IGDCC4: variants seen among roughly 807,000 people sequenced by gnomAD.
The protein encoded by IGDCC4 is immunoglobulin superfamily DCC subclass member 4.
In IGDCC4, 72 loss-of-function variants were observed where a neutral mutation model predicts 116.6. The ratio of observed to expected loss-of-function variants is 0.62; its 90% CI spans 0.51 to 0.75. The LOEUF (loss-of-function observed/expected upper bound fraction) is 0.75, where lower values mean the gene tolerates loss of function less well. IGDCC4 is among the 30% of genes least tolerant of loss of function. The probability of loss-of-function intolerance (pLI) is 0.00; values close to 1 mark genes in which losing one functional copy is unlikely to be tolerated. For synonymous variants in IGDCC4, 709 were observed against 719.9 expected, an observed-to-expected ratio of 0.98 and a Z score of 0.24; for missense variants, 1,501 against 1,662.4, an observed-to-expected ratio of 0.90 and a Z score of 1.69.
chr15:65,408,951 G>A lies in IGDCC4; in HGVS notation c.563+1227C>T, dbSNP rs562310915. Among the ~76,000 whole-genome samples, 5 of 151,228 alleles carry A rather than the reference G, an allele frequency of 3.3e-5. No homozygotes were observed. The East Asian group carries it at 9.8e-4, about 30-fold the overall frequency. ...CTGAACCTCCAAGTGATCTCGCTCA[G>A]CCTTCCAAGTAGCGGGGACCACAGG... On this transcript the variant is annotated intron_variant, in intron 3 of 19. Coordinates refer to ENST00000352385, the MANE Select transcript of IGDCC4 (RefSeq NM_020962.3).
Position 65,381,759 on chromosome 15 carries a change from A to C in IGDCC4, c.*2250T>G, listed in dbSNP as rs1336432783. The C allele has an allele frequency of 6.6e-6, 1 of 152,548 alleles. No individual in the cohort carries two copies. The highest frequency in any genetic ancestry group is 1.5e-5 in the Non-Finnish European group (1 of 68,040). The allele number at this position is 152,548 out of a possible 1,614,324, so 9.4% of individuals were successfully genotyped here. A position where few individuals can be genotyped will look rare whatever the true frequency, so the allele number is the denominator to read the frequency against. On this transcript the variant is annotated 3_prime_UTR_variant, in exon 20 of 20. Transcript: ENST00000352385. Reference sequence around the variant, plus strand: ...GATTAATACCCTGTAAAAGGCCAATAGATTCTTTTCTAATAAAAATACTGC... The same window carrying C: ...GATTAATACCCTGTAAAAGGCCAATCGATTCTTTTCTAATAAAAATACTGC...
intron 16 of IGDCC4, 141 bp downstream of exon 16, chr15:65,388,308 C>T (rs551546780): frequency 7.9e-6 from 9 of 1,132,232 alleles, no homozygotes; most frequent in South Asian, 4.3e-5. Flanking sequence ...ATCACTGAAC[C>T]ACACCTATTT....
rs1301870050 is a variant in IGDCC4, at chr15:65,416,106, G to A, written c.71-4736C>T. On this transcript the variant is annotated intron_variant, in intron 1 of 19. Coordinates refer to ENST00000352385, the MANE Select transcript of IGDCC4 (RefSeq NM_020962.3). Reference sequence around the variant, plus strand: ...CAACAGCAGAGGAACACATATTTACGAGGCTCGCTGACTGCCTAAAATGTT... The same window carrying A: ...CAACAGCAGAGGAACACATATTTACAAGGCTCGCTGACTGCCTAAAATGTT... Among the ~76,000 whole-genome samples the A allele has an allele frequency of 4.7e-5, 7 of 150,442 alleles. 1 individual carries two copies. Among genetic ancestry groups the A allele is most frequent in the African/African-American group, 7.4e-5 (3 of 40,794 alleles).
chr15:65,419,223 CTTTT>C (rs541482808), intron 1 of IGDCC4, among the ~76,000 whole-genome samples: 2 of 126,470 alleles, frequency 1.6e-5, no homozygotes, highest in African/African-American at 3.0e-5. Flanking sequence ...GACCGCCATG[CTTTT>C]TTTTTTTTTT....
rs372599124 is a variant in IGDCC4 at position 65,422,844 on chromosome 15, C to G, written c.19G>C (p.Gly7Arg). Residue 7 changes from glycine to arginine, a missense_variant, in exon 1 of 20, where the codon GGC (glycine) becomes CGC (arginine). Transcript: ENST00000352385. The stretch of plus-strand genomic sequence containing the variant: ...AACGCGAGGAGCCCGCGGCCGCGGC[C>G]GGCGTCCCCCCGCGCCATGGGGCTG... MARGDA[G>R]RGRGLLALTF... The G allele has an allele frequency of 1.7e-6, 2 of 1,202,644 alleles. No homozygotes were observed. Among genetic ancestry groups the G allele is most frequent in the Non-Finnish European group, 2.1e-6 (2 of 966,172 alleles). 74.5% of individuals were successfully genotyped at this position (1,202,644 alleles called of 1,614,324 possible). A position where few individuals can be genotyped will look rare whatever the true frequency, so the allele number is the denominator to read the frequency against.
At chr15:65,398,765 C>T (rs1048196770) in intron 5 of IGDCC4, among the ~76,000 whole-genome samples, 4 of 152,000 alleles carry the variant, frequency 2.6e-5, no homozygotes, top group Non-Finnish European at 5.9e-5. Flanking sequence ...GTGGCGGGTG[C>T]CTGTAGTCCC....
chr15:65,390,420 G>T, intron 12 of IGDCC4, 82 bp from the exon 13 acceptor site: 2 of 1,207,322 alleles, frequency 1.7e-6, no homozygotes, highest in Non-Finnish European at 2.2e-6. Context: ...AGTTCCCAAG[G>T]CTGTTTCTTT....
intron 1 of IGDCC4, among the ~76,000 whole-genome samples, chr15:65,412,582 C>T (rs1194912821): frequency 6.8e-6 from 1 of 146,606 alleles, no homozygotes; most frequent in African/African-American, 2.5e-5. Flanking sequence ...ATGTCATTCC[C>T]TACCCTGGAA....
chr15:65,402,410 G>A lies in IGDCC4; in HGVS notation c.641C>T (p.Ala214Val), dbSNP rs1337205590. Reference sequence around the variant, plus strand: ...GAAGTGCTGGCGAGCTGAGTTGGTGGCCACGCAGCGGTAGGGGCCTGCATC... The same window carrying A: ...GAAGTGCTGGCGAGCTGAGTTGGTGACCACGCAGCGGTAGGGGCCTGCATC... ...ESDAGPYRCV[A>V]TNSARQHFSQ... The change falls in exon 4 of 20, where the codon GCC (alanine) becomes GTC (valine). Residue 214 changes from alanine (A) to valine (V), a missense_variant. Physicochemically the swap from Ala to Val is moderately conservative, Grantham distance 64 (BLOSUM62 0). Around this residue, in one of 3 missense-constraint regions of IGDCC4, gnomAD observed 898 missense variants for 978.9 expected, o/e 0.92. Coordinates refer to ENST00000352385, the MANE Select transcript of IGDCC4 (RefSeq NM_020962.3). 4.5e-6 allele frequency: 7 copies of A among 1,570,126 alleles called. No homozygotes were observed. In the South Asian group the frequency reaches 5.9e-5, roughly 13 times the overall value.
chr15:65,419,216 C>T (rs1016730294), intron 1 of IGDCC4, among the ~76,000 whole-genome samples: 3 of 147,900 alleles, frequency 2.0e-5, no homozygotes, highest in South Asian at 2.2e-4. Flanking sequence ...CCACCATGAC[C>T]GCCATGCTTT....
chr15:65,392,487 C>T lies in IGDCC4; in HGVS notation c.1886-117G>A, dbSNP rs1033393176. ...GAGGAAGAGACAGGAAGATGGCATT[C>T]AGTGAGAGCCTTTTGCCAGCATTCT... is the stretch of plus-strand genomic sequence containing the variant. On this transcript the variant is annotated intron_variant, in intron 10 of 19. Transcript: ENST00000352385. 6.7e-6 allele frequency: 5 copies of T among 750,080 alleles called. No homozygotes were observed. In the African/African-American group the frequency reaches 8.8e-5, roughly 13 times the overall value. 46.5% of individuals were successfully genotyped at this position (750,080 alleles called of 1,614,324 possible). A position where few individuals can be genotyped will look rare whatever the true frequency, so the allele number is the denominator to read the frequency against.
chr15:65,415,650 G>A (rs968692698), intron 1 of IGDCC4, among the ~76,000 whole-genome samples: 3 of 152,178 alleles, frequency 2.0e-5, no homozygotes, highest in Non-Finnish European at 4.4e-5. Context: ...CCTGGGGAGG[G>A]GTCTCATCTC....
rs761978835 is a variant in IGDCC4 at position 65,400,816 on chromosome 15, C to G, written c.831G>C (p.Trp277Cys). ...ASADPTPFVS[W>C]VRQDGKPIST... ...ACCCCCTCCACTCACCTTGTCGGAC[C>G]CAGGACACAAAAGGGGTGGGGTCAG... is the stretch of plus-strand genomic sequence containing the variant. The change falls in exon 5 of 20, where the codon TGG becomes TGC. Residue 277 changes from tryptophan (W) to cysteine (C), a missense_variant. Physicochemically the swap from Trp to Cys is radical, Grantham distance 215. Around this residue, in one of 3 missense-constraint regions of IGDCC4, gnomAD observed 898 missense variants for 978.9 expected, o/e 0.92. Transcript: ENST00000352385. 1 of 1,605,406 alleles carries G rather than the reference C, an allele frequency of 6.2e-7. No individual in the cohort carries two copies.
intron 3 of IGDCC4, among the ~76,000 whole-genome samples, chr15:65,409,881 TC>T (rs2063073898): frequency 6.6e-6 from 1 of 152,138 alleles, no homozygotes; most frequent in Admixed American, 6.5e-5. Flanking sequence ...ACAGCTCCTC[TC>T]TGGCCTTCAG....
rs764051926 is a variant in IGDCC4 at position 65,396,861 on chromosome 15, T to A, written c.970A>T (p.Thr324Ser). The change falls in exon 6 of 20, where the codon ACT becomes TCT. Residue 324 changes from threonine (T) to serine (S), a missense_variant. Thr to Ser is a moderately conservative substitution (Grantham distance 58). Around this residue, in one of 3 missense-constraint regions of IGDCC4, gnomAD observed 898 missense variants for 978.9 expected, o/e 0.92. Coordinates refer to ENST00000352385, the MANE Select transcript of IGDCC4 (RefSeq NM_020962.3). The part of the protein sequence containing the change: ...ANKPRTRDFA[T>S]AAAELRVLAA... The stretch of plus-strand genomic sequence containing the variant: ...AGCACACGGAGCTCAGCGGCTGCAG[T>A]GGCGAAGTCGCGCGTGCGGGGCTTG... 6 of 1,575,680 alleles carry A rather than the reference T, an allele frequency of 3.8e-6. No individual in the cohort carries two copies. The highest frequency in any genetic ancestry group is 5.2e-6 in the Non-Finnish European group (6 of 1,160,926).
At chr15:65,390,462 GCATCATTCCTA>G in intron 12 of IGDCC4, 124 bp from the exon 13 acceptor site, 1 of 707,974 alleles carries the variant, frequency 1.4e-6, no homozygotes, top group Non-Finnish European at 2.1e-6. Context: ...GAGTTGAGTG[GCATCATTCCTA>G]CTTCACAGAT....
intron 4 of IGDCC4, 62 bp from the exon 5 acceptor site, chr15:65,401,008 C>T (rs1017373087): frequency 3.7e-6 from 6 of 1,606,166 alleles, no homozygotes; most frequent in East Asian, 4.5e-5. Flanking sequence ...CGATACCTCA[C>T]CTGAGTCTCA....
Position 65,388,592 on chromosome 15 carries a change from G to C in IGDCC4, c.2708-6C>G, listed in dbSNP as rs764083284. On this transcript the variant is annotated splice_region_variant and splice_polypyrimidine_tract_variant and intron_variant, in intron 15 of 19. Transcript: ENST00000352385. ...CTCAGCACTGAAGATGTTTCCTGGGGGTGAGGGAGGCAGGGAGAGCAGGGA... is the reference window on the plus strand; with the variant it reads ...CTCAGCACTGAAGATGTTTCCTGGGCGTGAGGGAGGCAGGGAGAGCAGGGA... 1 of 1,614,028 alleles carries C rather than the reference G, an allele frequency of 6.2e-7. No homozygotes were observed. The highest frequency in any genetic ancestry group is 1.7e-5 in the Admixed American group (1 of 60,034).
At chr15:65,408,946 G>A (rs148461123) in intron 3 of IGDCC4, among the ~76,000 whole-genome samples, 5 of 150,314 alleles carry the variant, frequency 3.3e-5, no homozygotes, top group East Asian at 2.0e-4. Flanking sequence ...AAGTGATCTC[G>A]CTCAGCCTTC....
Sources: allele counts gnomAD v4.1 joint callset (sites outside exome capture counted in the v4.1 genomes callset), GRCh38; gene constraint gnomAD v4.1.1; regional missense constraint gnomAD v4.1.1; transcripts MANE v1.5; gene names NCBI Gene and HGNC (gene_info 2026-07-23, HGNC 2026-07-21).